Variants in STK10 observed in about 807,000 individuals in gnomAD.
STK10 encodes the protein serine/threonine kinase 10.
STK10 carries 78 observed loss-of-function variants against 113.8 expected under a neutral mutation model. That is an observed-to-expected ratio of 0.69 (90% CI 0.57 to 0.83). The LOEUF is 0.83. Ranked by LOEUF, STK10 falls within the 40% of genes least tolerant of loss-of-function variation. The probability of loss-of-function intolerance (pLI) is 0.00; values close to 1 mark genes in which losing one functional copy is unlikely to be tolerated. For missense variants in STK10, 1,109 were observed against 1,280.1 expected, an observed-to-expected ratio of 0.87 and a Z score of 2.04; for synonymous variants, 465 against 494.7, an observed-to-expected ratio of 0.94 and a Z score of 0.80.
chr5:172,182,550 ATTTT>A lies in STK10; in HGVS notation c.156+5333_156+5336del, dbSNP rs774193068. Reference sequence around the variant, plus strand: ...GGGCGCATGTCACCATGCCCAGCTCATTTTTTTTTTTTTTTTTTTTGAGACGGAG... The same window carrying A: ...GGGCGCATGTCACCATGCCCAGCTCATTTTTTTTTTTTTTTTGAGACGGAG... On this transcript the variant is annotated intron_variant, in intron 1 of 18. Transcript: ENST00000176763. Among the ~76,000 whole-genome samples the A allele has an allele frequency of 4.7e-5, 5 of 107,506 alleles. No individual in the cohort carries two copies. The East Asian group carries it at 1.3e-3, about 27-fold the overall frequency. 70.5% of individuals were successfully genotyped at this position (107,506 alleles called of 152,430 possible). A position where few individuals can be genotyped will look rare whatever the true frequency, so the allele number is the denominator to read the frequency against.
At chr5:172,122,499 A>G (rs1252952131) in intron 3 of STK10, among the ~76,000 whole-genome samples, 1 of 152,222 alleles carries the variant, frequency 6.6e-6, no homozygotes, top group African/African-American at 2.4e-5. Context: ...TTACACAGCA[A>G]TGCATGAATA....
chr5:172,117,703 C>G, intron 3 of STK10, 73 bp from the exon 4 acceptor site: 1 of 1,581,582 alleles, frequency 6.3e-7, no homozygotes, highest in Non-Finnish European at 8.6e-7. Flanking sequence ...AGGCCCACGC[C>G]AGGGAGAAAT....
At chr5:172,121,883 T>G (rs1769519494) in intron 3 of STK10, among the ~76,000 whole-genome samples, 1 of 151,868 alleles carries the variant, frequency 6.6e-6, no homozygotes, top group African/African-American at 2.4e-5. Context: ...TTTTTTTTTT[T>G]TTTTTAGACG....
intron 15 of STK10, chr5:172,057,100 ACAGT>A: frequency 2.1e-6 from 1 of 486,312 alleles, no homozygotes; most frequent in Non-Finnish European, 3.7e-6. Context: ...ACAGCAAGTA[ACAGT>A]CAGTGAGGGA....
chr5:172,145,524 G>A (rs1182754210), intron 2 of STK10, among the ~76,000 whole-genome samples: 1 of 152,196 alleles, frequency 6.6e-6, no homozygotes, highest in Non-Finnish European at 1.5e-5. Flanking sequence ...AGAAAGCCAG[G>A]GAAGAAGCAC....
chr5:172,109,380 T>G (rs1769184051), intron 4 of STK10, among the ~76,000 whole-genome samples: 1 of 151,654 alleles, frequency 6.6e-6, no homozygotes, highest in South Asian at 2.1e-4. Flanking sequence ...TGGAGTGCAG[T>G]GGCACAATCA....
intron 7 of STK10, among the ~76,000 whole-genome samples, chr5:172,099,057 TACCATCACC>T (rs1768920750): frequency 6.9e-6 from 1 of 145,186 alleles, no homozygotes; most frequent in African/African-American, 2.6e-5. Context: ...CCACCATCAT[TACCATCACC>T]ATCATTATCA....
Position 172,127,382 on chromosome 5 carries a change from T to C in STK10, c.361A>G (p.Ile121Val). 1 of 1,613,880 alleles carries C rather than the reference T, an allele frequency of 6.2e-7. No homozygotes were observed. The highest frequency in any genetic ancestry group is 8.5e-7 in the Non-Finnish European group (1 of 1,179,836). ...ATCAAGTAAGACTCACCCAGCATGA[T>C]GGCGTCCACGGCTCCCCCTGGACAG... ...EFCPGGAVDA[I>V]MLELDRGLTE... is the part of the protein sequence containing the mutation. The change falls in exon 3 of 19, where the codon ATC becomes GTC. Residue 121 changes from isoleucine to valine, a missense_variant. Ile to Val is a conservative substitution (Grantham distance 29, BLOSUM62 3). Around this residue, in one of 5 missense-constraint regions of STK10, gnomAD observed 120 missense variants for 134.8 expected, o/e 0.89. Transcript: ENST00000176763.
chr5:172,048,550 C>T (rs1459828224), intron 18 of STK10, among the ~76,000 whole-genome samples: 2 of 152,110 alleles, frequency 1.3e-5, no homozygotes, highest in East Asian at 3.9e-4. Context: ...AGCTGGTGAC[C>T]AGCAAGAACG....
At chr5:172,135,240 C>T (rs191677060) in intron 2 of STK10, among the ~76,000 whole-genome samples, 13 of 152,232 alleles carry the variant, frequency 8.5e-5, no homozygotes, top group South Asian at 4.1e-4. Flanking sequence ...AGGCTGGGCA[C>T]GGTGGCTCAC....
At chr5:172,058,632 G>A (rs375612383) in intron 14 of STK10, among the ~76,000 whole-genome samples, 5 of 151,908 alleles carry the variant, frequency 3.3e-5, no homozygotes, top group South Asian at 2.1e-4. Context: ...GGCTCACACC[G>A]TAGTCCCAGC....
rs146863370 is a variant in STK10 at position 172,149,740 on chromosome 5, A to G, written c.321+6884T>C. ...ATACAAGGGCCAGGATAAAATGGGC[A>G]GACTCCGTTGAAAGACCTCCTTGGG... On this transcript the variant is annotated intron_variant, in intron 2 of 18. Transcript: ENST00000176763. Among the ~76,000 whole-genome samples, 7 of 152,306 alleles carry G rather than the reference A, an allele frequency of 4.6e-5. 1 individual carries two copies. The East Asian group carries it at 1.4e-3, about 29-fold the overall frequency.
intron 2 of STK10, among the ~76,000 whole-genome samples, chr5:172,141,611 GA>G (rs1244621624): frequency 6.6e-6 from 1 of 151,634 alleles, no homozygotes; most frequent in African/African-American, 2.4e-5. Context: ...TTAAAAGAGA[GA>G]AAAATAAGGT....
rs11949047 is a variant in STK10 at position 172,149,451 on chromosome 5, G to A, written c.321+7173C>T. Among the ~76,000 whole-genome samples, 548 of 152,192 alleles carry A rather than the reference G, an allele frequency of 3.6e-3. 5 individuals carry two copies. Among genetic ancestry groups the A allele is most frequent in the African/African-American group, 0.012 (489 of 41,524 alleles). On this transcript the variant is annotated intron_variant, in intron 2 of 18. Transcript: ENST00000176763. Reference sequence around the variant, plus strand: ...ACAGTAATAATACACCCACCTCCAGGGCTGCAAAGCCTGTGCAGACTTTAA... The same window carrying A: ...ACAGTAATAATACACCCACCTCCAGAGCTGCAAAGCCTGTGCAGACTTTAA...
intron 2 of STK10, among the ~76,000 whole-genome samples, chr5:172,156,301 A>T (rs921963658): frequency 1.3e-5 from 2 of 152,238 alleles, no homozygotes; most frequent in African/African-American, 4.8e-5. Context: ...TACTATTATT[A>T]GCCCCACCTT....
At chr5:172,177,171 T>A (rs1454771922) in intron 1 of STK10, among the ~76,000 whole-genome samples, 11 of 104,036 alleles carry the variant, frequency 1.1e-4, no homozygotes, top group African/African-American at 6.5e-4. Context: ...AGTGCAGTCT[T>A]TAAAAAAAAA....
chr5:172,186,648 A>T (rs73315905), intron 1 of STK10, among the ~76,000 whole-genome samples: 1 of 151,610 alleles, frequency 6.6e-6, no homozygotes, highest in African/African-American at 2.4e-5. Flanking sequence ...AAAAGAAAAA[A>T]CGCCACCACT....
chr5:172,057,167 G>A (rs1285765910), intron 15 of STK10, 182 bp downstream of exon 15: 1 of 750,806 alleles, frequency 1.3e-6, no homozygotes, highest in East Asian at 2.8e-5. Context: ...CTAGCCCCTT[G>A]AGCTGAAGCA....
chr5:172,083,627 G>C (rs962744022), intron 10 of STK10, among the ~76,000 whole-genome samples: 1 of 152,160 alleles, frequency 6.6e-6, no homozygotes, highest in Non-Finnish European at 1.5e-5. Context: ...AGAATATTCA[G>C]CTGGGTGTGG....
Sources: gnomAD v4.1 joint callset for allele counts (sites outside exome capture counted in the v4.1 genomes callset) on GRCh38, gnomAD v4.1.1 for gene constraint, gnomAD v4.1.1 regional missense constraint, MANE v1.5 for transcripts, NCBI Gene and HGNC (gene_info 2026-07-23, HGNC 2026-07-21) for gene names.